Variants in SPOP observed in about 807,000 individuals in gnomAD.
SPOP encodes the protein speckle type BTB/POZ protein, also known as speckle-type POZ protein.
In SPOP, 11 loss-of-function variants were observed where a neutral mutation model predicts 45.6. The observed-to-expected ratio is 0.24, with a 90% CI of 0.15 to 0.40. SPOP has a LOEUF of 0.40. SPOP is among the 10% of genes least tolerant of loss of function. SPOP has a pLI of 1.00. For missense variants in SPOP, 152 were observed against 465.6 expected (o/e 0.33, Z 6.20); for synonymous variants, 166 against 166.3 (o/e 1.00, Z 0.01).
intron 6 of SPOP, among the ~76,000 whole-genome samples, chr17:49,608,603 G>A (rs2071900203): frequency 6.6e-6 from 1 of 152,066 alleles, no homozygotes; most frequent in Admixed American, 6.6e-5. Context: ...TTTCTCCTTA[G>A]AGGCAGGGAT....
chr17:49,613,890 A>G (rs527796563), intron 5 of SPOP, among the ~76,000 whole-genome samples: 4 of 152,360 alleles, frequency 2.6e-5, no homozygotes, highest in Admixed American at 1.3e-4. Context: ...TAATGCCTAT[A>G]AAGTTGACTG....
At chr17:49,675,325 A>G (rs1271121475) in intron 1 of SPOP, among the ~76,000 whole-genome samples, 1 of 152,268 alleles carries the variant, frequency 6.6e-6, no homozygotes, top group African/African-American at 2.4e-5. Context: ...ACATGGAATG[A>G]TCACCAAGAT....
At chr17:49,653,611 T>C (rs185237330) in intron 1 of SPOP, among the ~76,000 whole-genome samples, 2 of 151,768 alleles carry the variant, frequency 1.3e-5, no homozygotes, top group Non-Finnish European at 2.9e-5. Context: ...TATTGTCAAA[T>C]TGCCCTCCAA....
intron 8 of SPOP, among the ~76,000 whole-genome samples, chr17:49,606,484 GTTTCTTTTTTC>G (rs1376270278): frequency 8.2e-6 from 1 of 121,408 alleles, no homozygotes; most frequent in African/African-American, 3.5e-5. Context: ...GTTTTTTCTT[GTTTCTTTTTTC>G]TTTTTTTTTT....
intron 1 of SPOP, among the ~76,000 whole-genome samples, chr17:49,640,267 T>C (rs927576934): frequency 1.3e-5 from 2 of 151,258 alleles, no homozygotes; most frequent in Non-Finnish European, 3.0e-5. Flanking sequence ...AAAAAAAAAG[T>C]TCAAAGCATA....
chr17:49,638,531 A>G (rs372878931), intron 1 of SPOP, among the ~76,000 whole-genome samples: 14 of 152,034 alleles, frequency 9.2e-5, no homozygotes, highest in African/African-American at 3.1e-4. Flanking sequence ...GTTGCCGTGA[A>G]CAGAGATCGC....
chr17:49,632,342 C>T (rs1376977296), intron 1 of SPOP, among the ~76,000 whole-genome samples: 3 of 152,124 alleles, frequency 2.0e-5, no homozygotes, highest in Non-Finnish European at 4.4e-5. Flanking sequence ...AAAAGGGAAA[C>T]GTACAGAGCT....
intron 1 of SPOP, among the ~76,000 whole-genome samples, chr17:49,662,173 C>T (rs1328560810): frequency 6.6e-6 from 1 of 151,748 alleles, no homozygotes; most frequent in African/African-American, 2.4e-5. Context: ...AGGACCTGCC[C>T]AAATGCAATT....
intron 1 of SPOP, among the ~76,000 whole-genome samples, chr17:49,642,845 T>C (rs2072683702): frequency 6.6e-6 from 1 of 152,218 alleles, no homozygotes; most frequent in African/African-American, 2.4e-5. Context: ...TGAATGAAAT[T>C]GCCTATTGGG....
chr17:49,619,509 G>C lies in SPOP; in HGVS notation c.201-124C>G, dbSNP rs1010266964. 1.9e-6 allele frequency: 2 copies of C among 1,078,698 alleles called. No individual in the cohort carries two copies. Among genetic ancestry groups the C allele is most frequent in the Non-Finnish European group, 2.6e-6 (2 of 770,556 alleles). The allele number at this position is 1,078,698 out of a possible 1,614,324, so 66.8% of individuals were successfully genotyped here. ...AGGCCCCATAGAAGAATATAATTCAGTAGAATGACTAGTTGGGAACAACTT... is the reference window on the plus strand; with the variant it reads ...AGGCCCCATAGAAGAATATAATTCACTAGAATGACTAGTTGGGAACAACTT... On this transcript the variant is annotated intron_variant, in intron 3 of 9. Coordinates refer to ENST00000504102, the MANE Select transcript of SPOP (RefSeq NM_001007228.2). This position sits in a 1 kb window ranked among gnomAD's most constrained non-coding sequence, Gnocchi z 4.9.
rs367855545 is a variant in SPOP at position 49,627,195 on chromosome 17, A to T, written c.-66-4319T>A. Among the ~76,000 whole-genome samples the T allele has an allele frequency of 2.0e-5, 3 of 152,344 alleles. No homozygotes were observed. The East Asian group carries it at 5.8e-4, about 29-fold the overall frequency. On this transcript the variant is annotated intron_variant, in intron 1 of 9. Transcript: ENST00000504102. ...CTGTGAAATCACAAATGAAGCTAACATGGTGTGCTGTCTCACTTAAGCTAG... is the reference window on the plus strand; with the variant it reads ...CTGTGAAATCACAAATGAAGCTAACTTGGTGTGCTGTCTCACTTAAGCTAG...
At chr17:49,665,649 G>GACACACACACACAC (rs71352530) in intron 1 of SPOP, among the ~76,000 whole-genome samples, 2,625 of 126,696 alleles carry the variant, frequency 0.021, 66 homozygotes, top group Middle Eastern at 0.038. Flanking sequence ...TATATATACA[G>GACACACACACACAC]ACACACACAC....
At chr17:49,602,630 T>C (rs369431900) in intron 8 of SPOP, among the ~76,000 whole-genome samples, 12 of 152,310 alleles carry the variant, frequency 7.9e-5, no homozygotes, top group South Asian at 2.1e-4. Context: ...CTGCCACTAG[T>C]TGTTTCTGAA....
At chr17:49,611,502 A>AT in intron 5 of SPOP, 45 bp from the exon 6 acceptor site, 11 of 1,558,806 alleles carry the variant, frequency 7.1e-6, no homozygotes, top group Non-Finnish European at 7.7e-6. Context: ...GTTACCAGGA[A>AT]TTTTTTTGCC....
At chr17:49,665,444 C>T (rs2073041494) in intron 1 of SPOP, among the ~76,000 whole-genome samples, 1 of 151,588 alleles carries the variant, frequency 6.6e-6, no homozygotes, top group Non-Finnish European at 1.5e-5. Context: ...GAAACCCCGT[C>T]TCTACTAAAA....
intron 8 of SPOP, 98 bp downstream of exon 8, chr17:49,607,152 T>G: frequency 1.3e-6 from 2 of 1,531,266 alleles, no homozygotes; most frequent in South Asian, 2.3e-5. Flanking sequence ...CCAAGATATA[T>G]GCTCATTTTA....
intron 1 of SPOP, among the ~76,000 whole-genome samples, chr17:49,626,138 C>G (rs2072326439): frequency 6.6e-6 from 1 of 152,134 alleles, no homozygotes; most frequent in Admixed American, 6.5e-5. Context: ...AATCTTATAA[C>G]TGATCATGTT....
intron 1 of SPOP, among the ~76,000 whole-genome samples, chr17:49,669,829 T>C (rs978778957): frequency 3.7e-4 from 57 of 152,024 alleles, no homozygotes; most frequent in Middle Eastern, 3.4e-3. Flanking sequence ...GTCATTTTTA[T>C]TTACAGAAAA....
At chr17:49,633,921 C>A (rs1207315812) in intron 1 of SPOP, among the ~76,000 whole-genome samples, 1 of 151,674 alleles carries the variant, frequency 6.6e-6, no homozygotes, top group East Asian at 1.9e-4. Flanking sequence ...GCAACAAGCA[C>A]AGGTTTCACA....
Sources: gnomAD v4.1 joint callset for allele counts (sites outside exome capture counted in the v4.1 genomes callset) on GRCh38, gnomAD v4.1.1 for gene constraint, Gnocchi (gnomAD v3.1) non-coding constraint, MANE v1.5 for transcripts, NCBI Gene and HGNC (gene_info 2026-07-23, HGNC 2026-07-21) for gene names.